ITGB3BP: variants seen among roughly 807,000 people sequenced by gnomAD.
The protein encoded by ITGB3BP is centromere protein R.
A neutral mutation model predicts 29.1 loss-of-function variants in ITGB3BP; 27 were observed. The ratio of observed to expected loss-of-function variants is 0.93; its 90% CI spans 0.68 to 1.28. The LOEUF is 1.28. ITGB3BP is among the 50% of genes most tolerant of loss of function. ITGB3BP has a pLI of 0.00. For synonymous variants in ITGB3BP, 61 were observed against 61.4 expected, an observed-to-expected ratio of 0.99 and a Z score of 0.03; for missense variants, 192 against 200.2, an observed-to-expected ratio of 0.96 and a Z score of 0.25.
At chr1:63,503,508 T>C (rs1382528250) in intron 2 of ITGB3BP, among the ~76,000 whole-genome samples, 1 of 152,232 alleles carries the variant, frequency 6.6e-6, no homozygotes, top group Non-Finnish European at 1.5e-5. Flanking sequence ...AGAAGCTCTT[T>C]AGTTTAATTA....
In ITGB3BP at chr1:63,489,031, G is replaced by A. The variant is rs150640066; in HGVS notation, c.184+1052C>T. Among the ~76,000 whole-genome samples the A allele has an allele frequency of 1.4e-4, 21 of 151,918 alleles. No individual in the cohort carries two copies. In the East Asian group the frequency reaches 3.9e-3, roughly 28 times the overall value. ...CAGTATAGGGATGTACAATCTCTAA[G>A]GCATTTATTTTTAATTAAAAAGATA... On this transcript the variant is annotated intron_variant, in intron 3 of 8. Transcript: ENST00000271002.
At chr1:63,477,060 C>T (rs999906269) in intron 4 of ITGB3BP, among the ~76,000 whole-genome samples, 3 of 152,076 alleles carry the variant, frequency 2.0e-5, no homozygotes, top group Admixed American at 6.6e-5. Flanking sequence ...GACTGAAACA[C>T]GCAAATATTT....
Position 63,502,975 on chromosome 1 carries a change from C to T in ITGB3BP, c.48+5553G>A, listed in dbSNP as rs548768840. ...TGTGAATAGTGCTGCAATAAACATACGTGTGCATGTGTCTTTATAGCAGCA... is the reference window on the plus strand; with the variant it reads ...TGTGAATAGTGCTGCAATAAACATATGTGTGCATGTGTCTTTATAGCAGCA... On this transcript the variant is annotated intron_variant, in intron 2 of 8. Transcript: ENST00000271002. Among the ~76,000 whole-genome samples the T allele has an allele frequency of 1.1e-4, 17 of 152,198 alleles. No homozygotes were observed. The South Asian group carries it at 1.5e-3, about 13-fold the overall frequency.
chr1:63,472,664 AC>A (rs1645225732), intron 4 of ITGB3BP, among the ~76,000 whole-genome samples: 1 of 144,004 alleles, frequency 6.9e-6, no homozygotes, highest in Non-Finnish European at 1.5e-5. Flanking sequence ...TTTGGTGGAG[AC>A]GGGGTTTTGC....
intron 3 of ITGB3BP, among the ~76,000 whole-genome samples, chr1:63,487,489 T>C (rs1187359773): frequency 6.6e-6 from 1 of 152,054 alleles, no homozygotes; most frequent in Non-Finnish European, 1.5e-5. Context: ...CATGAGGTGA[T>C]CTCATTGTTG....
upstream of ITGB3BP, chr1:63,525,592 G>A: frequency 1.3e-6 from 2 of 1,568,654 alleles, no homozygotes; most frequent in Non-Finnish European, 1.7e-6. Flanking sequence ...AGTCCACGAA[G>A]CGATGCAACT....
At position 63,469,778 on chromosome 1, in the gene ITGB3BP, G is replaced by A. The variant is rs188180786; in HGVS notation, c.254+8986C>T. On this transcript the variant is annotated intron_variant, in intron 4 of 8. Coordinates refer to ENST00000271002, the MANE Select transcript of ITGB3BP (RefSeq NM_014288.5). The stretch of plus-strand genomic sequence containing the variant: ...ATATAACATGTCTGAAAAAATTGCT[G>A]GTGTTGTTCAAGACTGTTGGGAACA... Among the ~76,000 whole-genome samples, 605 of 152,348 alleles carry A rather than the reference G, an allele frequency of 4.0e-3. 4 individuals carry two copies. Among genetic ancestry groups the A allele is most frequent in the African/African-American group, 0.013 (553 of 41,586 alleles).
chr1:63,523,597 GA>G (rs1646515850), upstream of ITGB3BP: 2 of 184,312 alleles, frequency 1.1e-5, no homozygotes, highest in South Asian at 2.0e-4. Flanking sequence ...TCGCCGAAGA[GA>G]ATTGGCTGCG....
At chr1:63,501,172 G>A (rs774441712) in intron 2 of ITGB3BP, among the ~76,000 whole-genome samples, 49 of 152,052 alleles carry the variant, frequency 3.2e-4, no homozygotes, top group Non-Finnish European at 6.5e-4. Flanking sequence ...TCCCTACCTT[G>A]AACCATGTAC....
At position 63,523,140 on chromosome 1, in the gene ITGB3BP, A is replaced by T. The variant is rs1220063616; in HGVS notation, c.-7T>A. 2.5e-6 allele frequency: 4 copies of T among 1,614,162 alleles called. 1 individual carries two copies. The highest frequency in any genetic ancestry group is 3.4e-6 in the Non-Finnish European group (4 of 1,180,030). On this transcript the variant is annotated 5_prime_UTR_variant, in exon 1 of 9. Coordinates refer to ENST00000271002, the MANE Select transcript of ITGB3BP (RefSeq NM_014288.5). ...GAGGAGATACCTACGGCATTCTGAG[A>T]TTCGGGAAAGCACCACTGCCGCTGA...
At chr1:63,446,525 G>T in intron 8 of ITGB3BP, 1 of 348,258 alleles carries the variant, frequency 2.9e-6, no homozygotes, top group Non-Finnish European at 5.3e-6. Context: ...CTTGATTAAG[G>T]ACCCTTTTAC....
At chr1:63,511,869 G>C (rs1370974920) in intron 1 of ITGB3BP, among the ~76,000 whole-genome samples, 1 of 151,970 alleles carries the variant, frequency 6.6e-6, no homozygotes, top group Admixed American at 6.6e-5. Flanking sequence ...GGTGGTGATG[G>C]TTGCACAACA....
In ITGB3BP at chr1:63,475,036, A is replaced by G. The variant is rs1180934175; in HGVS notation, c.254+3728T>C. Among the ~76,000 whole-genome samples, 3 of 152,316 alleles carry G rather than the reference A, an allele frequency of 2.0e-5. No individual in the cohort carries two copies. In the East Asian group the frequency reaches 5.8e-4, roughly 29 times the overall value. On this transcript the variant is annotated intron_variant, in intron 4 of 8. Coordinates refer to ENST00000271002, the MANE Select transcript of ITGB3BP (RefSeq NM_014288.5). ...GTCGCTTAGGCTGGAGAGTAGTGAC[A>G]TTATCACAGCTCACTGCACCCTCAA... is the stretch of plus-strand genomic sequence containing the variant.
chr1:63,500,952 C>CAT lies in ITGB3BP; in HGVS notation c.48+7574_48+7575dup, dbSNP rs1017687811. On this transcript the variant is annotated intron_variant, in intron 2 of 8. Transcript: ENST00000271002. ...AGACCGCATGGTAGTGGCATAAACA[C>CAT]ATATATATAGATAGACAAATGGAAT... 1.9e-4 allele frequency among the ~76,000 whole-genome samples: 29 copies of CAT among 152,084 alleles called. No homozygotes were observed. The South Asian group carries it at 4.5e-3, about 24-fold the overall frequency.
intron 7 of ITGB3BP, chr1:63,449,555 G>A (rs1193070625): frequency 2.0e-5 from 3 of 152,162 alleles, no homozygotes; most frequent in Admixed American, 6.6e-5. Context: ...AAACAATGAC[G>A]AATCGTGTAA....
intron 1 of ITGB3BP, among the ~76,000 whole-genome samples, chr1:63,513,794 A>C (rs1485648872): frequency 6.6e-6 from 1 of 152,188 alleles, no homozygotes; most frequent in African/African-American, 2.4e-5. Flanking sequence ...CATTTGACCA[A>C]GCCTAGAACA....
At position 63,513,515 on chromosome 1, in the gene ITGB3BP, T is replaced by C. The variant is rs1213725625; in HGVS notation, c.6-4945A>G. On this transcript the variant is annotated intron_variant, in intron 1 of 8. Transcript: ENST00000271002. ...TTCTCCAATGAGACCTAGCTCTTTT[T>C]AGTGGACAATGGTATTTAGACACCA... Among the ~76,000 whole-genome samples the C allele has an allele frequency of 2.6e-5, 4 of 152,174 alleles. No individual in the cohort carries two copies. In the East Asian group the frequency reaches 5.8e-4, roughly 22 times the overall value.
intron 1 of ITGB3BP, among the ~76,000 whole-genome samples, chr1:63,518,288 A>C (rs955426542): frequency 2.6e-5 from 4 of 152,094 alleles, no homozygotes; most frequent in Non-Finnish European, 5.9e-5. Context: ...CTTAGTAACA[A>C]ATTCTATTTC....
chr1:63,440,990 C>T lies in ITGB3BP; in HGVS notation c.*115G>A, dbSNP rs1019917280. On this transcript the variant is annotated 3_prime_UTR_variant, in exon 9 of 9. Transcript: ENST00000271002. The stretch of plus-strand genomic sequence containing the variant: ...TATCTAGACATGCACCTGCCAACTG[C>T]TACGAGCTGGTATTTACTGGGCAGA... 1 of 152,630 alleles carries T rather than the reference C, an allele frequency of 6.6e-6. No homozygotes were observed. The highest frequency in any genetic ancestry group is 1.5e-5 in the Non-Finnish European group (1 of 68,030). The allele number at this position is 152,630 out of a possible 1,614,324, so 9.5% of individuals were successfully genotyped here. A position where few individuals can be genotyped will look rare whatever the true frequency, so the allele number is the denominator to read the frequency against.
Sources: gnomAD v4.1 joint callset for allele counts (sites outside exome capture counted in the v4.1 genomes callset) on GRCh38, gnomAD v4.1.1 for gene constraint, MANE v1.5 for transcripts, NCBI Gene and HGNC (gene_info 2026-07-23, HGNC 2026-07-21) for gene names.